Variants in CDKAL1 observed in about 807,000 individuals in gnomAD.
CDKAL1 encodes the protein CDKAL1 threonylcarbamoyladenosine tRNA methylthiotransferase.
In CDKAL1, 32 loss-of-function variants were observed where a neutral mutation model predicts 68.2. The observed-to-expected ratio is 0.47, with a 90% CI of 0.35 to 0.63. CDKAL1 has a LOEUF of 0.63. Ranked by LOEUF, CDKAL1 falls within the 30% of genes least tolerant of loss-of-function variation. The pLI is 0.00. For missense variants in CDKAL1, 606 were observed against 696.7 expected (o/e 0.87, Z 1.47); for synonymous variants, 234 against 244.3 (o/e 0.96, Z 0.39).
chr6:20,876,805 A>G (rs533884954), intron 9 of CDKAL1, among the ~76,000 whole-genome samples: 1 of 152,306 alleles, frequency 6.6e-6, no homozygotes, highest in East Asian at 1.9e-4. Flanking sequence ...TAATTAATGA[A>G]AAACAACTAG....
At chr6:21,169,038 A>G (rs926049786) in intron 13 of CDKAL1, among the ~76,000 whole-genome samples, 1 of 152,316 alleles carries the variant, frequency 6.6e-6, no homozygotes, top group African/African-American at 2.4e-5. Flanking sequence ...TGTGAGGGGC[A>G]AAGAAGAGAT....
intron 4 of CDKAL1, among the ~76,000 whole-genome samples, chr6:20,565,071 C>A (rs534380480): frequency 2.0e-5 from 3 of 152,086 alleles, no homozygotes; most frequent in Non-Finnish European, 4.4e-5. Flanking sequence ...CAGCCTATTA[C>A]ATCCAATGTA....
At chr6:20,798,680 G>A (rs1380766396) in intron 8 of CDKAL1, among the ~76,000 whole-genome samples, 2 of 148,960 alleles carry the variant, frequency 1.3e-5, no homozygotes, top group Non-Finnish European at 3.0e-5. Flanking sequence ...ACCAAACACC[G>A]CATGTTCTCA....
At chr6:21,195,756 C>T (rs1295830323) in intron 13 of CDKAL1, among the ~76,000 whole-genome samples, 1 of 151,834 alleles carries the variant, frequency 6.6e-6, no homozygotes, top group African/African-American at 2.4e-5. Flanking sequence ...GTGATCTGCC[C>T]ACCTCTGCCT....
chr6:20,996,264 T>C (rs891373529), intron 10 of CDKAL1, among the ~76,000 whole-genome samples: 5 of 152,258 alleles, frequency 3.3e-5, no homozygotes, highest in African/African-American at 9.6e-5. Context: ...ATGAGTTCAC[T>C]GGAGTGGCAC....
chr6:20,637,030 C>A (rs1404168983), intron 4 of CDKAL1, among the ~76,000 whole-genome samples: 1 of 114,740 alleles, frequency 8.7e-6, no homozygotes, highest in Non-Finnish European at 1.8e-5. Flanking sequence ...GAGTGAGACT[C>A]CGTCTCAAAA....
At chr6:21,212,873 A>AT (rs1231851764) in intron 15 of CDKAL1, among the ~76,000 whole-genome samples, 1 of 152,206 alleles carries the variant, frequency 6.6e-6, no homozygotes, top group East Asian at 1.9e-4. Flanking sequence ...TTCAATCCAT[A>AT]TATCAAATCA....
intron 2 of CDKAL1, among the ~76,000 whole-genome samples, chr6:20,540,786 A>G (rs1227749461): frequency 6.6e-6 from 1 of 152,198 alleles, no homozygotes; most frequent in Non-Finnish European, 1.5e-5. Flanking sequence ...TGAAGGAATT[A>G]TTAGACATTC....
intron 11 of CDKAL1, among the ~76,000 whole-genome samples, chr6:21,027,594 G>A (rs1769031357): frequency 1.3e-5 from 2 of 152,158 alleles, no homozygotes; most frequent in South Asian, 2.1e-4. Context: ...ACCAGAATGG[G>A]TTAGTTATCA....
intron 9 of CDKAL1, among the ~76,000 whole-genome samples, chr6:20,937,475 C>A (rs150462107): frequency 2.6e-5 from 4 of 152,148 alleles, no homozygotes; most frequent in Non-Finnish European, 5.9e-5. Flanking sequence ...AATCTGCAGA[C>A]CCTATCCAAA....
At chr6:21,214,230 G>T (rs111617553) in intron 15 of CDKAL1, among the ~76,000 whole-genome samples, 10 of 152,060 alleles carry the variant, frequency 6.6e-5, no homozygotes, top group African/African-American at 2.4e-4. Flanking sequence ...TAACATTTTG[G>T]AAATAGTAGT....
chr6:20,568,965 AG>A (rs1764591752), intron 4 of CDKAL1, among the ~76,000 whole-genome samples: 1 of 152,168 alleles, frequency 6.6e-6, no homozygotes, highest in African/African-American at 2.4e-5. Context: ...TTGAGTACAG[AG>A]ATGGCCCTTT....
chr6:20,876,658 A>G (rs1357740367), intron 9 of CDKAL1, among the ~76,000 whole-genome samples: 1 of 152,212 alleles, frequency 6.6e-6, no homozygotes, highest in Non-Finnish European at 1.5e-5. Flanking sequence ...AGACCTAGAT[A>G]TGAATGCAAA....
At chr6:20,876,164 T>A (rs1484715413) in intron 9 of CDKAL1, among the ~76,000 whole-genome samples, 1 of 152,272 alleles carries the variant, frequency 6.6e-6, no homozygotes, top group African/African-American at 2.4e-5. Flanking sequence ...TTTTTGAAGC[T>A]GACTCAGGAT....
At chr6:21,046,297 G>T (rs1319118561) in intron 11 of CDKAL1, among the ~76,000 whole-genome samples, 1 of 152,220 alleles carries the variant, frequency 6.6e-6, no homozygotes, top group Non-Finnish European at 1.5e-5. Flanking sequence ...CTGTAATATA[G>T]CGGCTTTGTT....
At chr6:20,728,378 A>G (rs1581459245) in intron 5 of CDKAL1, among the ~76,000 whole-genome samples, 1 of 152,344 alleles carries the variant, frequency 6.6e-6, no homozygotes, top group East Asian at 1.9e-4. Context: ...ATTTTTATGG[A>G]TTCATTACAT....
chr6:20,577,420 C>T (rs1764959420), intron 4 of CDKAL1, among the ~76,000 whole-genome samples: 1 of 152,134 alleles, frequency 6.6e-6, no homozygotes, highest in Non-Finnish European at 1.5e-5. Flanking sequence ...GAAATCTTTC[C>T]TTGCTCTGTG....
At chr6:20,733,469 C>G (rs959691422) in intron 5 of CDKAL1, among the ~76,000 whole-genome samples, 1 of 152,290 alleles carries the variant, frequency 6.6e-6, no homozygotes, top group Middle Eastern at 3.4e-3. Context: ...TTCCAGTGCA[C>G]CATGACACCC....
chr6:20,786,642 C>T (rs1440099956), intron 8 of CDKAL1, among the ~76,000 whole-genome samples: 5 of 151,780 alleles, frequency 3.3e-5, no homozygotes, highest in Admixed American at 6.6e-5. Context: ...GGACTTCAGG[C>T]GCCCGCCACC....
Sources: gnomAD v4.1 joint callset for allele counts (sites outside exome capture counted in the v4.1 genomes callset) on GRCh38, gnomAD v4.1.1 for gene constraint, MANE v1.5 for transcripts, NCBI Gene and HGNC (gene_info 2026-07-23, HGNC 2026-07-21) for gene names.